The following MALL variants were observed in gnomAD, a reference collection of about 807,000 sequenced individuals.
MALL encodes MAL-like protein.
A neutral mutation model predicts 10.3 loss-of-function variants in MALL; 2 were observed. The observed-to-expected ratio is 0.19, with a 90% CI of 0.08 to 0.61. The LOEUF (loss-of-function observed/expected upper bound fraction) is 0.61. Ranked by LOEUF, MALL falls within the 20% of genes least tolerant of loss-of-function variation. The pLI, the probability that MALL is intolerant of heterozygous loss-of-function variation, is 0.88. For synonymous variants in MALL, 27 were observed against 51.8 expected, an observed-to-expected ratio of 0.52 and a Z score of 2.05; for missense variants, 39 against 115.2, an observed-to-expected ratio of 0.34 and a Z score of 3.03.
intron 1 of MALL, among the ~76,000 whole-genome samples, chr2:110,098,310 C>T (rs1678487914): frequency 6.6e-6 from 1 of 151,978 alleles, no homozygotes; most frequent in Non-Finnish European, 1.5e-5. Context: ...GCACCCATCA[C>T]CACCATCCAT....
intron 1 of MALL, chr2:110,097,684 G>C (rs1208977501): frequency 2.8e-6 from 1 of 361,370 alleles, no homozygotes; most frequent in Admixed American, 3.4e-5. Context: ...TGGCTGGGAG[G>C]TGTGGGTTTG....
At chr2:110,107,278 G>A (rs1678716827) in intron 1 of MALL, among the ~76,000 whole-genome samples, 1 of 152,152 alleles carries the variant, frequency 6.6e-6, no homozygotes, top group Admixed American at 6.5e-5. Flanking sequence ...AAGCTGGGGA[G>A]GAGGATAGCC....
intron 1 of MALL, among the ~76,000 whole-genome samples, chr2:110,113,413 G>A (rs545432828): frequency 8.9e-4 from 125 of 141,182 alleles, no homozygotes; most frequent in African/African-American, 3.3e-3. Flanking sequence ...ACTCCAGCCT[G>A]GACGACAGCG....
intron 1 of MALL, among the ~76,000 whole-genome samples, chr2:110,110,725 A>G (rs1559033378): frequency 6.6e-6 from 1 of 152,168 alleles, no homozygotes; most frequent in Non-Finnish European, 1.5e-5. Flanking sequence ...CTATGAAGCC[A>G]GCATCACCCT....
intron 1 of MALL, among the ~76,000 whole-genome samples, chr2:110,102,131 C>T (rs950800759): frequency 1.3e-5 from 2 of 152,290 alleles, no homozygotes; most frequent in Non-Finnish European, 2.9e-5. Flanking sequence ...CCATACCCTC[C>T]TTTCTCCTCA....
chr2:110,098,938 A>G lies in MALL; in HGVS notation c.106-7168T>C, dbSNP rs142917775. ...GATCACTTGAGCCCGGGAGGCAGAC[A>G]GCCTTGATTGTGCCACTGCACTTCA... is the stretch of plus-strand genomic sequence containing the variant. On this transcript the variant is annotated intron_variant, in intron 1 of 3. Coordinates refer to ENST00000272462, the MANE Select transcript of MALL (RefSeq NM_005434.5). Among the ~76,000 whole-genome samples the G allele has an allele frequency of 1.2e-3, 177 of 152,116 alleles. 2 individuals carry two copies. The highest frequency in any genetic ancestry group is 4.1e-3 in the African/African-American group (171 of 41,512).
chr2:110,095,670 A>T (rs1678424972), intron 1 of MALL, among the ~76,000 whole-genome samples: 1 of 151,996 alleles, frequency 6.6e-6, no homozygotes, highest in South Asian at 2.1e-4. Context: ...TTAACCAATA[A>T]ATCTAATCGC....
intron 1 of MALL, among the ~76,000 whole-genome samples, chr2:110,101,592 G>T (rs1035456678): frequency 2.6e-5 from 4 of 152,056 alleles, no homozygotes; most frequent in Non-Finnish European, 5.9e-5. Flanking sequence ...CTGGCAGTGC[G>T]CCCGGCCTCC....
chr2:110,096,727 A>G (rs1678448517), intron 1 of MALL, among the ~76,000 whole-genome samples: 1 of 151,702 alleles, frequency 6.6e-6, no homozygotes, highest in Admixed American at 6.6e-5. Flanking sequence ...ACACACACAC[A>G]CACACACACA....
chr2:110,106,713 G>A (rs1016247674), intron 1 of MALL, among the ~76,000 whole-genome samples: 1 of 152,104 alleles, frequency 6.6e-6, no homozygotes, highest in African/African-American at 2.4e-5. Context: ...TCATACGGGG[G>A]CATTTTCCCT....
rs540654964 is a variant in MALL at position 110,110,457 on chromosome 2, T to C, written c.105+5231A>G. 2.6e-5 allele frequency among the ~76,000 whole-genome samples: 4 copies of C among 152,040 alleles called. No individual in the cohort carries two copies. The South Asian group carries it at 8.3e-4, about 32-fold the overall frequency. On this transcript the variant is annotated intron_variant, in intron 1 of 3. Coordinates refer to ENST00000272462, the MANE Select transcript of MALL (RefSeq NM_005434.5). The stretch of plus-strand genomic sequence containing the variant: ...TAGGAACACCTTTACACACATAAAC[T>C]AGAAAACCTAGAGGAGAAGGATAAA...
intron 1 of MALL, among the ~76,000 whole-genome samples, chr2:110,103,450 C>T (rs558379735): frequency 2.0e-5 from 3 of 152,228 alleles, no homozygotes; most frequent in Admixed American, 6.5e-5. Flanking sequence ...CGAGCTCCTC[C>T]GCACTAGGGC....
intron 1 of MALL, chr2:110,097,488 G>C (rs1203918595): frequency 2.2e-6 from 1 of 456,678 alleles, no homozygotes; most frequent in African/African-American, 2.0e-5. Context: ...GGGTAGAGTG[G>C]ATCTGCTCAC....
At chr2:110,101,558 C>T (rs1378395757) in intron 1 of MALL, among the ~76,000 whole-genome samples, 1 of 152,096 alleles carries the variant, frequency 6.6e-6, no homozygotes, top group Non-Finnish European at 1.5e-5. Context: ...GTCCTTGGTA[C>T]TCATAAGCAC....
intron 1 of MALL, among the ~76,000 whole-genome samples, chr2:110,103,398 G>A (rs1678618802): frequency 6.6e-6 from 1 of 152,132 alleles, no homozygotes; most frequent in East Asian, 1.9e-4. Flanking sequence ...ACGAGGCAGG[G>A]GAGGGGCTGG....
At chr2:110,092,821 T>G (rs1215634772) in intron 1 of MALL, among the ~76,000 whole-genome samples, 1 of 99,526 alleles carries the variant, frequency 1.0e-5, no homozygotes, top group African/African-American at 2.9e-5. Flanking sequence ...CTTCCTGGAG[T>G]GCAACCTTTA....
intron 1 of MALL, among the ~76,000 whole-genome samples, chr2:110,104,941 T>C (rs1369649059): frequency 1.3e-5 from 2 of 152,222 alleles, no homozygotes; most frequent in Admixed American, 6.5e-5. Flanking sequence ...TACAATGCGC[T>C]TTCTAGTAAG....
chr2:110,103,756 G>T (rs538952748), intron 1 of MALL, among the ~76,000 whole-genome samples: 1 of 152,308 alleles, frequency 6.6e-6, no homozygotes, highest in African/African-American at 2.4e-5. Context: ...GTGCTTGGTT[G>T]CCTGTCTTGG....
chr2:110,105,157 A>G (rs1255866632), intron 1 of MALL, among the ~76,000 whole-genome samples: 5 of 152,222 alleles, frequency 3.3e-5, no homozygotes, highest in African/African-American at 7.2e-5. Context: ...TCTCACAGCA[A>G]TGAAGAAGCA....
Sources: gnomAD v4.1 joint callset for allele counts (sites outside exome capture counted in the v4.1 genomes callset) on GRCh38, gnomAD v4.1.1 for gene constraint, MANE v1.5 for transcripts, NCBI Gene and HGNC (gene_info 2026-07-23, HGNC 2026-07-21) for gene names.